The following EVI5 variants were observed in gnomAD, a reference collection of about 807,000 sequenced individuals.
EVI5 encodes the protein ecotropic viral integration site 5.
A neutral mutation model predicts 112.0 loss-of-function variants in EVI5; 73 were observed. The observed-to-expected ratio is 0.65, with a 90% CI of 0.54 to 0.79. EVI5 has a LOEUF of 0.79. EVI5 is among the 30% of genes least tolerant of loss of function. EVI5 has a pLI of 0.00. For missense variants in EVI5, 900 were observed against 968.8 expected (o/e 0.93, Z 0.94); for synonymous variants, 305 against 319.9 (o/e 0.95, Z 0.50).
chr1:92,669,547 C>CAAAA lies in EVI5; in HGVS notation c.1159-3559_1159-3556dup, dbSNP rs56412396. Among the ~76,000 whole-genome samples the CAAAA allele has an allele frequency of 2.1e-4, 11 of 51,824 alleles. 1 individual carries two copies. Among genetic ancestry groups the CAAAA allele is most frequent in the South Asian group, 1.2e-3 (1 of 838 alleles). The allele number at this position is 51,824 out of a possible 152,430, so 34.0% of individuals were successfully genotyped here. On this transcript the variant is annotated intron_variant, in intron 10 of 19. Transcript: ENST00000684568. ...TGGGCAACGGAGCAAGGCTCTGTCT[C>CAAAA]AAAAAAAAAAAAAATCACTGGGAAA...
chr1:92,687,110 G>A (rs1668676632), intron 9 of EVI5, among the ~76,000 whole-genome samples: 1 of 152,134 alleles, frequency 6.6e-6, no homozygotes, highest in Admixed American at 6.6e-5. Flanking sequence ...GAACAAAGCT[G>A]GAGGCATCAC....
upstream of EVI5, among the ~76,000 whole-genome samples, chr1:92,786,302 T>A (rs1380489690): frequency 6.6e-6 from 1 of 151,434 alleles, no homozygotes; most frequent in African/African-American, 2.4e-5. Flanking sequence ...AAATAGGAAG[T>A]AAAGCCATGC....
chr1:92,673,736 C>T (rs961598914), intron 10 of EVI5, among the ~76,000 whole-genome samples: 10 of 152,104 alleles, frequency 6.6e-5, no homozygotes, highest in South Asian at 2.1e-4. Flanking sequence ...AAATTTCACA[C>T]GCAAAATTTA....
At chr1:92,657,673 C>A (rs12071492) in intron 13 of EVI5, among the ~76,000 whole-genome samples, 15,815 of 150,530 alleles carry the variant, frequency 0.11, 2,418 homozygotes, top group African/African-American at 0.34. Context: ...AACAAACAAA[C>A]AAAAAAAAAC....
At chr1:92,734,598 T>C (rs1010092541) in intron 2 of EVI5, among the ~76,000 whole-genome samples, 2 of 152,196 alleles carry the variant, frequency 1.3e-5, no homozygotes, top group Non-Finnish European at 2.9e-5. Context: ...TTGTCTCTTT[T>C]CTATTCTAAT....
At chr1:92,649,371 G>A (rs1661641972) in intron 13 of EVI5, among the ~76,000 whole-genome samples, 1 of 152,166 alleles carries the variant, frequency 6.6e-6, no homozygotes, top group Non-Finnish European at 1.5e-5. Context: ...TTTTCATTTA[G>A]ATGAAGTCCA....
chr1:92,667,397 G>A (rs892888417), intron 10 of EVI5, among the ~76,000 whole-genome samples: 12 of 152,024 alleles, frequency 7.9e-5, no homozygotes, highest in Non-Finnish European at 1.6e-4. Context: ...AATTTTTTCT[G>A]AGAAAACAAC....
Position 92,784,883 on chromosome 1 carries a change from A to T in EVI5, c.-129T>A. 1 of 985,690 alleles carries T rather than the reference A, an allele frequency of 1.0e-6. No individual in the cohort carries two copies. Among genetic ancestry groups the T allele is most frequent in the Non-Finnish European group, 1.2e-6 (1 of 830,370 alleles). 61.1% of individuals were successfully genotyped at this position (985,690 alleles called of 1,614,324 possible). On this transcript the variant is annotated 5_prime_UTR_variant, in exon 1 of 20. Transcript: ENST00000684568. Reference sequence around the variant, plus strand: ...CGCCGTAAACATTAACTTCCCATCCAGCCGGCAGCCGCGCCGCCGCGTCTC... The same window carrying T: ...CGCCGTAAACATTAACTTCCCATCCTGCCGGCAGCCGCGCCGCCGCGTCTC...
chr1:92,630,445 T>C (rs1274345893), intron 14 of EVI5, among the ~76,000 whole-genome samples: 1 of 152,246 alleles, frequency 6.6e-6, no homozygotes, highest in African/African-American at 2.4e-5. Flanking sequence ...TTCATGTGTC[T>C]TTTGGCTGCA....
intron 11 of EVI5, among the ~76,000 whole-genome samples, chr1:92,664,210 A>G (rs1233280774): frequency 6.6e-6 from 1 of 152,234 alleles, no homozygotes; most frequent in Non-Finnish European, 1.5e-5. Context: ...CAAAGCAAGG[A>G]AAATATGACA....
intron 19 of EVI5, among the ~76,000 whole-genome samples, chr1:92,563,152 A>T (rs1254735169): frequency 6.6e-6 from 1 of 152,202 alleles, no homozygotes; most frequent in Non-Finnish European, 1.5e-5. Context: ...GTACCAGTTT[A>T]AAAAGCATTC....
chr1:92,723,036 C>G (rs1161285073), intron 2 of EVI5, among the ~76,000 whole-genome samples: 1 of 152,114 alleles, frequency 6.6e-6, no homozygotes, highest in African/African-American at 2.4e-5. Flanking sequence ...CTCAATTAAG[C>G]CAGACTCAAA....
At chr1:92,614,592 A>C (rs1252846290) in intron 16 of EVI5, among the ~76,000 whole-genome samples, 1 of 151,806 alleles carries the variant, frequency 6.6e-6, no homozygotes, top group Non-Finnish European at 1.5e-5. Flanking sequence ...TGTGAAAAGG[A>C]GATACTGGCC....
rs1659277724 is a variant in EVI5 at position 92,512,934 on chromosome 1, G to A, written c.*722C>T. The A allele has an allele frequency of 6.6e-6, 1 of 151,868 alleles. No homozygotes were observed. The highest frequency in any genetic ancestry group is 2.1e-4 in the South Asian group (1 of 4,828). The allele number at this position is 151,868 out of a possible 1,614,324, so 9.4% of individuals were successfully genotyped here. ...GGCTGAGGCGGGTGGATCACTTGAG[G>A]TTAGGAGTTCGAGACCAGCCCAGCC... is the stretch of plus-strand genomic sequence containing the variant. On this transcript the variant is annotated 3_prime_UTR_variant, in exon 20 of 20. Transcript: ENST00000684568.
At chr1:92,760,666 G>A (rs745483193) in intron 1 of EVI5, among the ~76,000 whole-genome samples, 1 of 151,730 alleles carries the variant, frequency 6.6e-6, no homozygotes, top group African/African-American at 2.4e-5. Context: ...CCCAGGAGGC[G>A]GAGGTTGCAG....
In EVI5 at chr1:92,714,535, G is replaced by A. The variant is rs192018312; in HGVS notation, c.150-9791C>T. On this transcript the variant is annotated intron_variant, in intron 2 of 19. Coordinates refer to ENST00000684568, the MANE Select transcript of EVI5 (RefSeq NM_001350197.2). The stretch of plus-strand genomic sequence containing the variant: ...CCCCAGACTTACTAGTTGGTGGGGC[G>A]ATAGGACAGAACAGGAAGAAGAGCA... Among the ~76,000 whole-genome samples, 19 of 152,260 alleles carry A rather than the reference G, an allele frequency of 1.2e-4. No individual in the cohort carries two copies. In the East Asian group the frequency reaches 3.5e-3, roughly 28 times the overall value.
At chr1:92,677,666 G>A (rs1207498413) in intron 9 of EVI5, among the ~76,000 whole-genome samples, 6 of 152,104 alleles carry the variant, frequency 3.9e-5, no homozygotes, top group African/African-American at 1.4e-4. Flanking sequence ...ATAGACATAG[G>A]AGGAATAAGG....
intron 9 of EVI5, among the ~76,000 whole-genome samples, chr1:92,683,735 C>T (rs2102377412): frequency 6.6e-6 from 1 of 152,218 alleles, no homozygotes. Context: ...GAGCTGAAAA[C>T]CATGGCACAA....
upstream of EVI5, among the ~76,000 whole-genome samples, chr1:92,787,503 C>T (rs996616007): frequency 5.9e-5 from 9 of 151,882 alleles, no homozygotes; most frequent in Admixed American, 3.3e-4. Context: ...AGGCTGAGGC[C>T]GGCGGATCAT....
Sources: allele counts gnomAD v4.1 joint callset (sites outside exome capture counted in the v4.1 genomes callset), GRCh38; gene constraint gnomAD v4.1.1; transcripts MANE v1.5; gene names NCBI Gene and HGNC (gene_info 2026-07-23, HGNC 2026-07-21).